VPS13B: variants seen among roughly 807,000 people sequenced by gnomAD.
VPS13B encodes intermembrane lipid transfer protein VPS13B.
In VPS13B, 285 loss-of-function variants were observed where a neutral mutation model predicts 426.4. The ratio of observed to expected loss-of-function variants is 0.67; its 90% CI spans 0.61 to 0.74. VPS13B has a LOEUF of 0.74. VPS13B is among the 30% of genes least tolerant of loss of function. The pLI, the probability that VPS13B is intolerant of heterozygous loss-of-function variation, is 0.00. For missense variants in VPS13B, 4,537 were observed against 4,782.6 expected, an observed-to-expected ratio of 0.95 and a Z score of 1.51; for synonymous variants, 1,676 against 1,676.4, an observed-to-expected ratio of 1.00 and a Z score of 0.01.
At chr8:99,633,167 A>G (rs997318639) in intron 33 of VPS13B, among the ~76,000 whole-genome samples, 4 of 152,000 alleles carry the variant, frequency 2.6e-5, no homozygotes, top group African/African-American at 9.7e-5. Flanking sequence ...TTAAAGGGAT[A>G]TGTATGATTT....
intron 34 of VPS13B, among the ~76,000 whole-genome samples, chr8:99,650,852 T>C (rs1829786772): frequency 6.6e-6 from 1 of 152,160 alleles, no homozygotes; most frequent in Non-Finnish European, 1.5e-5. Flanking sequence ...CAACCATAGA[T>C]CAAAAGTATT....
intron 2 of VPS13B, among the ~76,000 whole-genome samples, chr8:99,033,176 C>T (rs1292917430): frequency 6.6e-6 from 1 of 152,186 alleles, no homozygotes; most frequent in Non-Finnish European, 1.5e-5. Context: ...GCTGTTGCTA[C>T]TTCCTTTCAG....
intron 33 of VPS13B, among the ~76,000 whole-genome samples, chr8:99,581,686 T>TGA (rs1826066777): frequency 1.3e-5 from 2 of 152,162 alleles, no homozygotes; most frequent in African/African-American, 4.8e-5. Context: ...TCTTTGAGAG[T>TGA]CATGTCACGT....
At chr8:99,250,761 T>A (rs1053791204) in intron 17 of VPS13B, among the ~76,000 whole-genome samples, 2 of 128,918 alleles carry the variant, frequency 1.6e-5, no homozygotes, top group African/African-American at 2.9e-5. Context: ...CATAGCTCAT[T>A]GTAAGCTCAA....
At chr8:99,823,771 CAA>C (rs1814512110) in intron 50 of VPS13B, 59 bp from the exon 51 acceptor site, 7 of 1,549,176 alleles carry the variant, frequency 4.5e-6, no homozygotes, top group Middle Eastern at 2.2e-4. Context: ...TAGGAATACT[CAA>C]GAGATTTTGA....
intron 21 of VPS13B, among the ~76,000 whole-genome samples, chr8:99,407,108 G>T (rs1201763740): frequency 6.6e-6 from 1 of 152,148 alleles, no homozygotes; most frequent in Non-Finnish European, 1.5e-5. Context: ...CTATAGCTGA[G>T]AATTGTCTGT....
At chr8:99,487,966 T>C (rs1820398395) in intron 25 of VPS13B, among the ~76,000 whole-genome samples, 1 of 152,200 alleles carries the variant, frequency 6.6e-6, no homozygotes, top group Non-Finnish European at 1.5e-5. Flanking sequence ...GAAGTAATTG[T>C]ATGCATGTTA....
chr8:99,486,413 A>G (rs1049894043), intron 25 of VPS13B, among the ~76,000 whole-genome samples: 2 of 151,894 alleles, frequency 1.3e-5, no homozygotes, highest in Non-Finnish European at 2.9e-5. Context: ...TTTACTAGAG[A>G]TGGGGTTTCA....
chr8:99,824,308 G>C (rs879101906), intron 51 of VPS13B, among the ~76,000 whole-genome samples: 1 of 152,188 alleles, frequency 6.6e-6, no homozygotes, highest in Admixed American at 6.5e-5. Flanking sequence ...ACTGGCTCCT[G>C]GGTCACATGG....
chr8:99,413,636 G>C (rs142495775), intron 21 of VPS13B, among the ~76,000 whole-genome samples: 91 of 152,142 alleles, frequency 6.0e-4, no homozygotes, highest in African/African-American at 2.0e-3. Flanking sequence ...TTGTGTCTTA[G>C]TTCTCATTGG....
intron 30 of VPS13B, among the ~76,000 whole-genome samples, chr8:99,530,796 T>A (rs1430883415): frequency 6.6e-6 from 1 of 152,030 alleles, no homozygotes; most frequent in Non-Finnish European, 1.5e-5. Context: ...ATTTTAGAAA[T>A]AAAATATTCA....
At chr8:99,144,925 C>T (rs774602212) in intron 13 of VPS13B, among the ~76,000 whole-genome samples, 42 of 152,076 alleles carry the variant, frequency 2.8e-4, no homozygotes, top group Non-Finnish European at 5.4e-4. Context: ...TTAGTAGGGA[C>T]TTTAGGAAAG....
intron 35 of VPS13B, among the ~76,000 whole-genome samples, chr8:99,667,056 C>T (rs1164134279): frequency 5.9e-5 from 9 of 152,126 alleles, no homozygotes; most frequent in Admixed American, 5.9e-4. Context: ...GAGATTTAAA[C>T]TTTTAAGTAA....
chr8:99,661,357 C>T lies in VPS13B; in HGVS notation c.5912C>T (p.Pro1971Leu). The change falls in exon 35 of 62, where the codon CCT becomes CTT. Residue 1971 changes from proline (P) to leucine (L), a missense_variant. Coordinates refer to ENST00000357162, the MANE Select transcript of VPS13B (RefSeq NM_152564.5). ...AATTTCAATTTTGTCACTTTAGATC[C>T]TGGGAAGACTCTGCCTGAAGCCCTT... ...GVASDYKCIDPGKTLPEALDY... is the reference protein window; with the variant it reads ...GVASDYKCIDLGKTLPEALDY... 2 of 1,613,472 alleles carry T rather than the reference C, an allele frequency of 1.2e-6. No individual in the cohort carries two copies. Among genetic ancestry groups the T allele is most frequent in the Non-Finnish European group, 8.5e-7 (1 of 1,179,710 alleles).
chr8:99,514,415 A>G (rs1411437711), intron 29 of VPS13B, among the ~76,000 whole-genome samples: 1 of 152,156 alleles, frequency 6.6e-6, no homozygotes, highest in African/African-American at 2.4e-5. Context: ...GTCACCCCAA[A>G]CAAAAGCTCT....
At chr8:99,724,651 T>C (rs1301469613) in intron 39 of VPS13B, among the ~76,000 whole-genome samples, 4 of 152,096 alleles carry the variant, frequency 2.6e-5, no homozygotes, top group African/African-American at 9.7e-5. Flanking sequence ...CTTAAATAAA[T>C]AAATGCATTA....
At chr8:99,129,824 C>T (rs1809673280) in intron 8 of VPS13B, among the ~76,000 whole-genome samples, 1 of 151,728 alleles carries the variant, frequency 6.6e-6, no homozygotes, top group Non-Finnish European at 1.5e-5. Flanking sequence ...AGGCATTTAT[C>T]CAACCTGGGC....
At chr8:99,360,160 TTCTTTCTTTC>T (rs1248309922) in intron 19 of VPS13B, among the ~76,000 whole-genome samples, 1 of 37,344 alleles carries the variant, frequency 2.7e-5, no homozygotes, top group Non-Finnish European at 4.9e-5. Context: ...CTTTCTTTCT[TTCTTTCTTTC>T]TTTCTTTCTT....
At chr8:99,392,604 G>A (rs1157074166) in intron 21 of VPS13B, among the ~76,000 whole-genome samples, 2 of 151,994 alleles carry the variant, frequency 1.3e-5, no homozygotes, top group East Asian at 3.8e-4. Flanking sequence ...ATATTAAGAA[G>A]ATCCCTACCC....
Sources: allele counts gnomAD v4.1 joint callset (sites outside exome capture counted in the v4.1 genomes callset), GRCh38; gene constraint gnomAD v4.1.1; transcripts MANE v1.5; gene names NCBI Gene and HGNC (gene_info 2026-07-23, HGNC 2026-07-21).